Variants in ATG4C observed in about 807,000 individuals in gnomAD.
ATG4C encodes autophagy related 4C cysteine peptidase, also known as cysteine protease ATG4C.
A neutral mutation model predicts 57.6 loss-of-function variants in ATG4C; 56 were observed. The ratio of observed to expected loss-of-function variants is 0.97; its 90% CI spans 0.78 to 1.21. The LOEUF (loss-of-function observed/expected upper bound fraction) is 1.21. Ranked by LOEUF, ATG4C falls within the 50% of genes most tolerant of loss-of-function variation. The pLI is 0.00. For synonymous variants in ATG4C, 157 were observed against 174.1 expected (o/e 0.90, Z 0.78); for missense variants, 595 against 529.8 (o/e 1.12, Z -1.21).
intron 1 of ATG4C, among the ~76,000 whole-genome samples, chr1:62,788,273 ATTT>A (rs1284355760): frequency 6.6e-6 from 1 of 151,906 alleles, no homozygotes; most frequent in Non-Finnish European, 1.5e-5. Context: ...TTTTTCCCTT[ATTT>A]TTTTCTTTTT....
intron 1 of ATG4C, among the ~76,000 whole-genome samples, chr1:62,787,446 C>T (rs556358648): frequency 5.3e-5 from 8 of 152,250 alleles, no homozygotes; most frequent in Admixed American, 5.2e-4. Context: ...TAAATTCTAA[C>T]TTCATTCATT....
In ATG4C at chr1:62,834,940, G is replaced by C. The variant is rs879852380; in HGVS notation, c.1089+88G>C. The C allele has an allele frequency of 3.7e-6, 4 of 1,086,936 alleles. No individual in the cohort carries two copies. In the African/African-American group the frequency reaches 4.8e-5, roughly 13 times the overall value. The allele number at this position is 1,086,936 out of a possible 1,614,324, so 67.3% of individuals were successfully genotyped here. A position where few individuals can be genotyped will look rare whatever the true frequency, so the allele number is the denominator to read the frequency against. ...ATGTGCTAGGTAGCTATGCTTTTAC[G>C]GTATTATAACTACTGGTTAATAATC... On this transcript the variant is annotated intron_variant, in intron 9 of 10. Transcript: ENST00000317868.
At chr1:62,815,121 A>G (rs1665224356) in intron 3 of ATG4C, among the ~76,000 whole-genome samples, 1 of 152,228 alleles carries the variant, frequency 6.6e-6, no homozygotes, top group Non-Finnish European at 1.5e-5. Context: ...TTTTAATATG[A>G]TTATTGATAA....
chr1:62,835,419 A>T (rs1485084368), intron 9 of ATG4C: 2 of 346,436 alleles, frequency 5.8e-6, no homozygotes, highest in African/African-American at 4.4e-5. Flanking sequence ...AATTCAGAAA[A>T]ATTTGAGAAT....
chr1:62,804,333 G>A (rs768675393), intron 2 of ATG4C, among the ~76,000 whole-genome samples: 2 of 151,768 alleles, frequency 1.3e-5, no homozygotes, highest in Admixed American at 6.6e-5. Flanking sequence ...CTCGTGATCC[G>A]CCCACCTTGG....
At chr1:62,807,874 C>T (rs191879698) in intron 3 of ATG4C, among the ~76,000 whole-genome samples, 5 of 152,302 alleles carry the variant, frequency 3.3e-5, no homozygotes, top group African/African-American at 1.2e-4. Flanking sequence ...TATGGGTAAT[C>T]TGGAACCTAC....
chr1:62,812,698 A>G (rs894190400), intron 3 of ATG4C, among the ~76,000 whole-genome samples: 2 of 152,196 alleles, frequency 1.3e-5, no homozygotes, highest in Non-Finnish European at 2.9e-5. Context: ...TTTGCAGATG[A>G]CATGATTGTA....
In ATG4C at chr1:62,858,351, T is replaced by C. The variant is rs1021712464; in HGVS notation, c.1210-5641T>C. On this transcript the variant is annotated intron_variant, in intron 10 of 10. Coordinates refer to ENST00000317868, the MANE Select transcript of ATG4C (RefSeq NM_032852.4). ...GTGGTTACACCAGAACAAAACTACC[T>C]ATGCTTAGATCCTGACTGTGTCAGT... Among the ~76,000 whole-genome samples, 16 of 152,210 alleles carry C rather than the reference T, an allele frequency of 1.1e-4. 1 individual carries two copies. The highest frequency in any genetic ancestry group is 4.1e-4 in the South Asian group (2 of 4,834).
Position 62,819,308 on chromosome 1 carries a change from G to T in ATG4C, c.698G>T (p.Gly233Val). ...GGGAAAAAAGCAGGAGATTGGTATG[G>T]ACCAGCTGTGGTTGCTCACATTTTA... ...KSGKKAGDWYGPAVVAHILRK... is the reference protein window; with the variant it reads ...KSGKKAGDWYVPAVVAHILRK... The change falls in exon 5 of 11, where the codon GGA (glycine) becomes GTA (valine). Residue 233 changes from glycine to valine, a missense_variant. Transcript: ENST00000317868. 1 of 1,597,856 alleles carries T rather than the reference G, an allele frequency of 6.3e-7. No homozygotes were observed. Among genetic ancestry groups the T allele is most frequent in the Non-Finnish European group, 8.5e-7 (1 of 1,174,946 alleles).
chr1:62,816,664 A>T lies in ATG4C; in HGVS notation c.250A>T (p.Ile84Phe), dbSNP rs750483228. 13 of 1,613,854 alleles carry T rather than the reference A, an allele frequency of 8.1e-6. No homozygotes were observed. Among genetic ancestry groups the T allele is most frequent in the Non-Finnish European group, 1.1e-5 (13 of 1,179,834 alleles). The change falls in exon 4 of 11, where the codon ATT becomes TTT. Residue 84 changes from isoleucine (I) to phenylalanine (F), a missense_variant. Transcript: ENST00000317868. ...TGTAGAAGAATTTCGTAAAGATTTC[A>T]TTTCTAGAATATGGCTGACCTACAG... ...GNVEEFRKDF[I>F]SRIWLTYREE...
At chr1:62,795,947 C>T (rs1184411939) in intron 1 of ATG4C, among the ~76,000 whole-genome samples, 2 of 151,978 alleles carry the variant, frequency 1.3e-5, no homozygotes, top group Non-Finnish European at 2.9e-5. Flanking sequence ...TATTTTGATG[C>T]TTTCCAGACT....
At chr1:62,813,361 A>T (rs910065437) in intron 3 of ATG4C, among the ~76,000 whole-genome samples, 1 of 152,210 alleles carries the variant, frequency 6.6e-6, no homozygotes, top group African/African-American at 2.4e-5. Flanking sequence ...TGGATTCCCT[A>T]TTTAATAAAT....
At chr1:62,843,295 T>C (rs914611426) in intron 10 of ATG4C, among the ~76,000 whole-genome samples, 3 of 152,172 alleles carry the variant, frequency 2.0e-5, no homozygotes, top group African/African-American at 7.2e-5. Flanking sequence ...TATGTTGAAA[T>C]GTCTTTTGGA....
intron 8 of ATG4C, among the ~76,000 whole-genome samples, 156 bp from the exon 9 acceptor site, chr1:62,834,619 TC>T (rs1665941576): frequency 6.6e-6 from 1 of 152,082 alleles, no homozygotes; most frequent in Admixed American, 6.6e-5. Context: ...CAAAAGTTAA[TC>T]TATCCTGTGC....
intron 10 of ATG4C, among the ~76,000 whole-genome samples, chr1:62,856,794 A>G (rs758328297): frequency 6.6e-6 from 1 of 152,196 alleles, no homozygotes; most frequent in African/African-American, 2.4e-5. Context: ...AAGGATGACT[A>G]GATGATAGAA....
At chr1:62,806,909 TAGG>T (rs1664899954) in intron 3 of ATG4C, among the ~76,000 whole-genome samples, 3 of 152,176 alleles carry the variant, frequency 2.0e-5, no homozygotes, top group African/African-American at 7.2e-5. Flanking sequence ...GCAGAAACCT[TAGG>T]GCTAGCTTTG....
At position 62,805,163 on chromosome 1, in the gene ATG4C, T is replaced by C; in HGVS notation, c.77-9T>C. The C allele has an allele frequency of 6.6e-7, 1 of 1,522,608 alleles. No homozygotes were observed. 94.3% of individuals were successfully genotyped at this position (1,522,608 alleles called of 1,614,324 possible). A position where few individuals can be genotyped will look rare whatever the true frequency, so the allele number is the denominator to read the frequency against. On this transcript the variant is annotated splice_polypyrimidine_tract_variant and intron_variant, in intron 2 of 10. Transcript: ENST00000317868. The stretch of plus-strand genomic sequence containing the variant: ...AAACGTTTTCTTTTCTTTTTTTTTT[T>C]TTTGCTAGGTTGGGTGTTGAAAACA...
In ATG4C at chr1:62,841,428, A is replaced by T; in HGVS notation, c.1090A>T (p.Thr364Ser). ...DVSIKDFPLE[T>S]FHCPSPKKMS... is the part of the protein sequence containing the mutation. ...TCCTAAAGAACTTTAAAAATTACAG[A>T]CATTCCACTGCCCTTCTCCCAAAAA... Residue 364 changes from threonine (T) to serine (S), a missense_variant and splice_region_variant, in exon 10 of 11, where the codon ACA (threonine) becomes TCA (serine). Physicochemically the swap from Thr to Ser is moderately conservative, Grantham distance 58. Transcript: ENST00000317868. 6.2e-7 allele frequency: 1 copy of T among 1,601,260 alleles called. No individual in the cohort carries two copies. Among genetic ancestry groups the T allele is most frequent in the African/African-American group, 1.3e-5 (1 of 74,558 alleles).
chr1:62,793,612 A>C (rs1664361570), intron 1 of ATG4C, among the ~76,000 whole-genome samples: 2 of 147,974 alleles, frequency 1.4e-5, no homozygotes, highest in African/African-American at 2.5e-5. Flanking sequence ...AAAAAAAAAA[A>C]AAAAAAAACC....
Sources: gnomAD v4.1 joint callset for allele counts (sites outside exome capture counted in the v4.1 genomes callset) on GRCh38, gnomAD v4.1.1 for gene constraint, MANE v1.5 for transcripts, NCBI Gene and HGNC (gene_info 2026-07-23, HGNC 2026-07-21) for gene names.